Variants in SUPT3H observed in about 807,000 individuals in gnomAD.
SUPT3H encodes the protein SPT3 homolog, SAGA and STAGA complex component.
Under a neutral mutation model 44.3 loss-of-function variants are expected in SUPT3H, and 44 were observed. The observed-to-expected ratio is 0.99, with a 90% CI of 0.78 to 1.28. The LOEUF (loss-of-function observed/expected upper bound fraction) is 1.28. Ranked by LOEUF, SUPT3H falls within the 50% of genes most tolerant of loss-of-function variation. The pLI, the probability that SUPT3H is intolerant of heterozygous loss-of-function variation, is 0.00. For missense variants in SUPT3H, 380 were observed against 387.1 expected, an observed-to-expected ratio of 0.98 and a Z score of 0.15; for synonymous variants, 124 against 125.6, an observed-to-expected ratio of 0.99 and a Z score of 0.09.
intron 10 of SUPT3H, among the ~76,000 whole-genome samples, chr6:44,890,724 A>G (rs568253051): frequency 7.9e-5 from 12 of 151,208 alleles, no homozygotes; most frequent in African/African-American, 2.7e-4. Flanking sequence ...TAACCTGCAC[A>G]TTGTGCACAT....
At chr6:45,075,820 T>A (rs2396380) in intron 3 of SUPT3H, among the ~76,000 whole-genome samples, 60,821 of 151,772 alleles carry the variant, frequency 0.4, 12,563 homozygotes, top group East Asian at 0.71. Context: ...AAAAAAGAAG[T>A]CTTCTTCCTG....
intron 6 of SUPT3H, among the ~76,000 whole-genome samples, chr6:44,973,081 T>C (rs1202544784): frequency 1.3e-5 from 2 of 152,230 alleles, no homozygotes; most frequent in African/African-American, 4.8e-5. Flanking sequence ...TTTTCTATCA[T>C]ATCACGAGGC....
chr6:44,898,464 C>T (rs961795982), intron 10 of SUPT3H, among the ~76,000 whole-genome samples: 2 of 152,194 alleles, frequency 1.3e-5, no homozygotes, highest in African/African-American at 4.8e-5. Context: ...AGCTACGTAA[C>T]AAATCAGTGA....
chr6:45,356,281 T>C (rs753482145), intron 2 of SUPT3H, among the ~76,000 whole-genome samples: 10 of 152,118 alleles, frequency 6.6e-5, no homozygotes, highest in Non-Finnish European at 1.3e-4. Flanking sequence ...GGCATACTCA[T>C]TTGAATATAT....
chr6:45,353,234 A>G (rs1792440542), intron 2 of SUPT3H, among the ~76,000 whole-genome samples: 1 of 152,118 alleles, frequency 6.6e-6, no homozygotes, highest in Non-Finnish European at 1.5e-5. Flanking sequence ...AAAAGAAAAG[A>G]AAAATGAAAC....
chr6:45,050,991 T>C (rs964368540), intron 3 of SUPT3H, among the ~76,000 whole-genome samples: 20 of 151,252 alleles, frequency 1.3e-4, no homozygotes, highest in African/African-American at 4.8e-4. Context: ...TTCATGCCAT[T>C]CTCCTGACTC....
At chr6:44,856,197 T>C (rs1256822944) in intron 10 of SUPT3H, among the ~76,000 whole-genome samples, 1 of 152,106 alleles carries the variant, frequency 6.6e-6, no homozygotes, top group Non-Finnish European at 1.5e-5. Context: ...GGAGAGTGAA[T>C]GAATAAGTGA....
At chr6:45,363,905 T>C (rs1452752338) in intron 2 of SUPT3H, among the ~76,000 whole-genome samples, 1 of 151,860 alleles carries the variant, frequency 6.6e-6, no homozygotes, top group African/African-American at 2.4e-5. Context: ...TTCTTTCTTT[T>C]TAAATTCTAA....
intron 2 of SUPT3H, among the ~76,000 whole-genome samples, chr6:45,112,393 T>C (rs551906854): frequency 1.4e-3 from 218 of 152,246 alleles, no homozygotes; most frequent in Admixed American, 3.0e-3. Context: ...AAACATGTCA[T>C]TGTTCCTTAA....
At chr6:45,141,113 G>A (rs1227508018) in intron 2 of SUPT3H, among the ~76,000 whole-genome samples, 3 of 151,990 alleles carry the variant, frequency 2.0e-5, no homozygotes, top group East Asian at 3.9e-4. Context: ...GCCAAGGCGG[G>A]TGGATCACCT....
intron 9 of SUPT3H, among the ~76,000 whole-genome samples, chr6:44,948,688 G>C (rs1278533307): frequency 2.0e-5 from 3 of 152,126 alleles, no homozygotes; most frequent in Non-Finnish European, 4.4e-5. Flanking sequence ...AAACCACAAT[G>C]AGATACCATC....
Position 45,305,968 on chromosome 6 carries a change from A to G in SUPT3H, c.101+59233T>C, listed in dbSNP as rs138863663. Among the ~76,000 whole-genome samples the G allele has an allele frequency of 4.7e-4, 71 of 152,342 alleles. 1 individual carries two copies. Among genetic ancestry groups the G allele is most frequent in the Admixed American group, 1.6e-3 (24 of 15,306 alleles). On this transcript the variant is annotated intron_variant, in intron 2 of 10. Transcript: ENST00000371459. ...GAGCTAGGCCCCACGTCTACCTAGG[A>G]GCCTCTCTAATTCTGCATATACCTG...
chr6:45,193,893 G>A (rs971771846), intron 2 of SUPT3H, among the ~76,000 whole-genome samples: 3 of 152,048 alleles, frequency 2.0e-5, no homozygotes, highest in Non-Finnish European at 4.4e-5. Flanking sequence ...CTAACATACA[G>A]CTTTTGAAAT....
chr6:45,192,668 C>G (rs2153620298), intron 2 of SUPT3H, among the ~76,000 whole-genome samples: 1 of 152,010 alleles, frequency 6.6e-6, no homozygotes, highest in South Asian at 2.1e-4. Flanking sequence ...TATAACAAAG[C>G]AAAGATTCCT....
At chr6:45,372,241 G>T (rs1488618577) in intron 1 of SUPT3H, among the ~76,000 whole-genome samples, 1 of 152,188 alleles carries the variant, frequency 6.6e-6, no homozygotes, top group Non-Finnish European at 1.5e-5. Context: ...CTAAAATGGA[G>T]ATTAAAATTA....
chr6:44,968,606 C>T (rs553365971), intron 6 of SUPT3H, among the ~76,000 whole-genome samples: 2 of 152,220 alleles, frequency 1.3e-5, no homozygotes, highest in South Asian at 4.1e-4. Context: ...TATTCCACTG[C>T]AAAAGTCATC....
chr6:44,930,756 G>A (rs1287695180), intron 10 of SUPT3H, among the ~76,000 whole-genome samples: 2 of 152,122 alleles, frequency 1.3e-5, no homozygotes, highest in East Asian at 1.9e-4. Flanking sequence ...TTCTACTAGC[G>A]GCTAACTGAA....
chr6:44,959,714 G>A (rs540087967), intron 7 of SUPT3H, among the ~76,000 whole-genome samples: 141 of 152,220 alleles, frequency 9.3e-4, no homozygotes, highest in African/African-American at 2.9e-3. Context: ...TTAGTGTGCC[G>A]ATGCTACAGC....
At chr6:44,907,100 G>A (rs2075096645) in intron 10 of SUPT3H, among the ~76,000 whole-genome samples, 1 of 152,038 alleles carries the variant, frequency 6.6e-6, no homozygotes, top group African/African-American at 2.4e-5. Flanking sequence ...AAAACTATTT[G>A]TTATTTTAAA....
Sources: allele counts gnomAD v4.1 joint callset (sites outside exome capture counted in the v4.1 genomes callset), GRCh38; gene constraint gnomAD v4.1.1; transcripts MANE v1.5; gene names NCBI Gene and HGNC (gene_info 2026-07-23, HGNC 2026-07-21).